CPA6: variants seen among roughly 807,000 people sequenced by gnomAD.
The protein encoded by CPA6 is carboxypeptidase B.
Under a neutral mutation model 63.3 loss-of-function variants are expected in CPA6, and 58 were observed. The observed-to-expected ratio is 0.92, with a 90% CI of 0.74 to 1.14. CPA6 has a LOEUF of 1.14. Ranked by LOEUF, CPA6 falls within the 50% of genes most tolerant of loss-of-function variation. The pLI, the probability that CPA6 is intolerant of heterozygous loss-of-function variation, is 0.00. For synonymous variants in CPA6, 185 were observed against 179.0 expected (o/e 1.03, Z -0.27); for missense variants, 565 against 526.6 (o/e 1.07, Z -0.71).
Position 67,692,193 on chromosome 8 carries a change from G to A in CPA6, c.116+53821C>T, listed in dbSNP as rs187486982. 2.9e-3 allele frequency among the ~76,000 whole-genome samples: 439 copies of A among 152,084 alleles called. 4 individuals are homozygous for A. Among genetic ancestry groups the A allele is most frequent in the African/African-American group, 0.01 (417 of 41,512 alleles). ...CTCTACTAAAAATACAAAATTAGCC[G>A]GGCATGGTGGCGCATGCCTCTAATC... On this transcript the variant is annotated intron_variant, in intron 1 of 10. Transcript: ENST00000297770.
chr8:67,600,813 A>T (rs1038363882), intron 2 of CPA6, among the ~76,000 whole-genome samples: 8 of 152,212 alleles, frequency 5.3e-5, no homozygotes, highest in African/African-American at 1.7e-4. Context: ...TTTCTCAAAG[A>T]ACCTCATTTT....
At chr8:67,738,627 T>G (rs1817857720) in intron 1 of CPA6, among the ~76,000 whole-genome samples, 1 of 151,970 alleles carries the variant, frequency 6.6e-6, no homozygotes. Context: ...CGAAGTACAC[T>G]GGAAAAAAAA....
chr8:67,521,369 T>C (rs1159966783), intron 2 of CPA6, among the ~76,000 whole-genome samples: 1 of 152,258 alleles, frequency 6.6e-6, no homozygotes, highest in East Asian at 1.9e-4. Flanking sequence ...TATTTGACTT[T>C]GGGGAGGTTA....
At chr8:67,528,350 G>T (rs1355071289) in intron 2 of CPA6, among the ~76,000 whole-genome samples, 1 of 152,114 alleles carries the variant, frequency 6.6e-6, no homozygotes, top group Non-Finnish European at 1.5e-5. Flanking sequence ...AGGCTGGTTG[G>T]GTCAGGGATA....
chr8:67,572,591 G>T (rs1003529631), intron 2 of CPA6, among the ~76,000 whole-genome samples: 1 of 152,078 alleles, frequency 6.6e-6, no homozygotes, highest in Admixed American at 6.5e-5. Context: ...AGCCTCTTTT[G>T]TATATAAATT....
At chr8:67,556,889 T>G (rs905568274) in intron 2 of CPA6, among the ~76,000 whole-genome samples, 3 of 152,222 alleles carry the variant, frequency 2.0e-5, no homozygotes, top group Admixed American at 6.5e-5. Flanking sequence ...ACCTGGACCG[T>G]GAGGAGAATA....
chr8:67,684,566 G>T (rs887168090), intron 1 of CPA6, among the ~76,000 whole-genome samples: 1 of 152,062 alleles, frequency 6.6e-6, no homozygotes, highest in African/African-American at 2.4e-5. Context: ...CAGAGCATGC[G>T]TACCCGGCCT....
intron 4 of CPA6, 112 bp from the exon 5 acceptor site, chr8:67,509,730 A>G (rs1372541614): frequency 7.5e-6 from 4 of 532,270 alleles, no homozygotes; most frequent in Non-Finnish European, 1.4e-5. Context: ...AGGAGTGCAC[A>G]TGGAATATAA....
chr8:67,701,683 G>A (rs566644265), intron 1 of CPA6, among the ~76,000 whole-genome samples: 1 of 152,140 alleles, frequency 6.6e-6, no homozygotes, highest in Admixed American at 6.5e-5. Flanking sequence ...CAAGAGAAAC[G>A]CAAATCACTG....
chr8:67,732,767 T>G (rs1159963803), intron 1 of CPA6: 1 of 151,046 alleles, frequency 6.6e-6, no homozygotes, highest in Non-Finnish European at 1.5e-5. Context: ...TTTTGAGAGG[T>G]TTCACAGTGA....
chr8:67,504,905 G>T (rs968610653), intron 6 of CPA6, among the ~76,000 whole-genome samples: 1 of 152,100 alleles, frequency 6.6e-6, no homozygotes, highest in South Asian at 2.1e-4. Flanking sequence ...GGAGGAGGAT[G>T]GAGAGGAAAG....
intron 1 of CPA6, 35 bp from the exon 2 acceptor site, chr8:67,624,286 T>A (rs1369539849): frequency 1.6e-6 from 2 of 1,222,896 alleles, no homozygotes; most frequent in Non-Finnish European, 2.4e-6. Flanking sequence ...ATAATTACTT[T>A]TCGAAAATAA....
At chr8:67,437,491 A>G (rs1225403482) in intron 8 of CPA6, among the ~76,000 whole-genome samples, 1 of 152,262 alleles carries the variant, frequency 6.6e-6, no homozygotes, top group Admixed American at 6.5e-5. Context: ...ACAGACCTAA[A>G]GCACTGAAAA....
At position 67,607,142 on chromosome 8, in the gene CPA6, CT is replaced by C. The variant is rs1181525433; in HGVS notation, c.192+17033del. Among the ~76,000 whole-genome samples, 12 of 79,370 alleles carry C rather than the reference CT, an allele frequency of 1.5e-4. 2 individuals carry two copies. The highest frequency in any genetic ancestry group is 7.7e-4 in the African/African-American group (10 of 12,910). 52.1% of individuals were successfully genotyped at this position (79,370 alleles called of 152,430 possible). A position where few individuals can be genotyped will look rare whatever the true frequency, so the allele number is the denominator to read the frequency against. On this transcript the variant is annotated intron_variant, in intron 2 of 10. Coordinates refer to ENST00000297770, the MANE Select transcript of CPA6 (RefSeq NM_020361.5). ...CCTCCTCCTCCTCCTCCTCCCCCTC[CT>C]CCCCCCCCTCCTCTTCTTCTTCTTC... is the stretch of plus-strand genomic sequence containing the variant.
intron 2 of CPA6, among the ~76,000 whole-genome samples, chr8:67,543,774 C>CTATTATTATTATTATTATTATTATTAT (rs56764745): frequency 2.3e-4 from 34 of 146,850 alleles, no homozygotes; most frequent in African/African-American, 8.2e-4. Context: ...TCCCCCTCCA[C>CTATTATTATTATTATTATTATTATTAT]TATTATTATT....
intron 10 of CPA6, among the ~76,000 whole-genome samples, chr8:67,424,086 A>C (rs1161279177): frequency 2.6e-5 from 4 of 152,162 alleles, no homozygotes. Flanking sequence ...TAGGTTGTGC[A>C]TTCCTTCTAA....
At chr8:67,736,889 A>G (rs1198586760) in intron 1 of CPA6, among the ~76,000 whole-genome samples, 1 of 152,202 alleles carries the variant, frequency 6.6e-6, no homozygotes, top group African/African-American at 2.4e-5. Context: ...CCTCTGTGAA[A>G]TAGTGGAAAA....
At chr8:67,515,507 C>T (rs1437943057) in intron 3 of CPA6, among the ~76,000 whole-genome samples, 8 of 152,184 alleles carry the variant, frequency 5.3e-5, no homozygotes, top group South Asian at 2.1e-4. Flanking sequence ...ACCTGCCTAC[C>T]GTGGGGCATA....
intron 1 of CPA6, among the ~76,000 whole-genome samples, chr8:67,688,886 G>T (rs1816759148): frequency 6.6e-6 from 1 of 152,006 alleles, no homozygotes; most frequent in Non-Finnish European, 1.5e-5. Flanking sequence ...AGAGAGATAA[G>T]ATCTAGTATT....
Sources: allele counts gnomAD v4.1 joint callset (sites outside exome capture counted in the v4.1 genomes callset), GRCh38; gene constraint gnomAD v4.1.1; transcripts MANE v1.5; gene names NCBI Gene and HGNC (gene_info 2026-07-23, HGNC 2026-07-21).